The following ARHGEF3 variants were observed in gnomAD, a reference collection of about 807,000 sequenced individuals.
ARHGEF3 encodes the protein 59.8 kDA protein.
A neutral mutation model predicts 63.2 loss-of-function variants in ARHGEF3; 28 were observed. The observed-to-expected ratio is 0.44, with a 90% CI of 0.33 to 0.61. The LOEUF is 0.61. Among genes scored for constraint, ARHGEF3 ranks in the 20% least tolerant of loss-of-function variants. The probability of loss-of-function intolerance (pLI) is 0.03; values close to 1 mark genes in which losing one functional copy is unlikely to be tolerated. For missense variants in ARHGEF3, 533 were observed against 659.3 expected (o/e 0.81, Z 2.10); for synonymous variants, 266 against 254.2 (o/e 1.05, Z -0.44).
intron 1 of ARHGEF3, among the ~76,000 whole-genome samples, chr3:57,069,415 T>TCACA (rs1560176738): frequency 1.3e-4 from 17 of 131,412 alleles, no homozygotes; most frequent in African/African-American, 4.8e-4. Context: ...ACACACATTG[T>TCACA]TTGTTTAAAA....
At chr3:56,827,015 GAGA>G in intron 4 of ARHGEF3, among the ~76,000 whole-genome samples, 1 of 152,166 alleles carries the variant, frequency 6.6e-6, no homozygotes, top group South Asian at 2.1e-4. Context: ...AAACATAAAA[GAGA>G]AGAAGATGGG....
chr3:56,992,250 A>C (rs1306505237), intron 2 of ARHGEF3, among the ~76,000 whole-genome samples: 1 of 152,016 alleles, frequency 6.6e-6, no homozygotes, highest in Non-Finnish European at 1.5e-5. Flanking sequence ...ATATTTGTAC[A>C]AGAGTCAGAG....
At chr3:56,837,136 G>C (rs1323816647) in intron 4 of ARHGEF3, among the ~76,000 whole-genome samples, 5 of 152,192 alleles carry the variant, frequency 3.3e-5, no homozygotes, top group African/African-American at 1.2e-4. Context: ...GTCAGGATCA[G>C]AGTCAGGAGG....
chr3:56,886,495 C>T (rs1440680402), intron 3 of ARHGEF3, among the ~76,000 whole-genome samples: 1 of 152,298 alleles, frequency 6.6e-6, no homozygotes, highest in Middle Eastern at 3.4e-3. Context: ...GGGGTGTTGA[C>T]CTCATGCCAG....
Position 56,732,955 on chromosome 3 carries a change from C to G in ARHGEF3, c.1042-531G>C, listed in dbSNP as rs762929548. On this transcript the variant is annotated intron_variant, in intron 8 of 9. Coordinates refer to ENST00000296315, the MANE Select transcript of ARHGEF3 (RefSeq NM_019555.3). ...TTGAGGTTAGGAGTTCAAGACTAGG[C>G]TGGCCAACATGGTGAAACCCCGTCT... Among the ~76,000 whole-genome samples the G allele has an allele frequency of 2.0e-5, 3 of 151,932 alleles. No individual in the cohort carries two copies. In the East Asian group the frequency reaches 5.8e-4, roughly 29 times the overall value.
intron 6 of ARHGEF3, among the ~76,000 whole-genome samples, chr3:56,745,833 G>A (rs920755992): frequency 2.0e-5 from 3 of 152,064 alleles, no homozygotes; most frequent in Admixed American, 6.6e-5. Flanking sequence ...CACCATGCCC[G>A]GATAATTTTT....
chr3:56,971,226 CAG>C (rs1395127692), intron 2 of ARHGEF3, among the ~76,000 whole-genome samples: 1 of 152,096 alleles, frequency 6.6e-6, no homozygotes, highest in Non-Finnish European at 1.5e-5. Flanking sequence ...ATATGCACTT[CAG>C]AGAGAGACAG....
chr3:56,741,231 G>T (rs2034002166), intron 7 of ARHGEF3, among the ~76,000 whole-genome samples: 1 of 140,780 alleles, frequency 7.1e-6, no homozygotes, highest in Non-Finnish European at 1.5e-5. Context: ...TGTTGCCCAG[G>T]CTAGAGTGCA....
intron 4 of ARHGEF3, among the ~76,000 whole-genome samples, chr3:56,877,159 T>C (rs977636790): frequency 5.9e-5 from 9 of 152,176 alleles, no homozygotes; most frequent in South Asian, 4.1e-4. Context: ...TACACAAACA[T>C]GTTCCTGGAT....
intron 4 of ARHGEF3, among the ~76,000 whole-genome samples, chr3:56,848,916 C>G (rs1489321729): frequency 6.6e-6 from 1 of 152,148 alleles, no homozygotes; most frequent in Admixed American, 6.5e-5. Context: ...TGAGCCACCC[C>G]TCTTGGCCTC....
chr3:56,971,150 A>G (rs1700892792), intron 2 of ARHGEF3, among the ~76,000 whole-genome samples: 1 of 152,180 alleles, frequency 6.6e-6, no homozygotes, highest in South Asian at 2.1e-4. Context: ...TGCGGCCCTC[A>G]GTAAGTCTGT....
chr3:56,771,659 G>T (rs2036013307), intron 2 of ARHGEF3, among the ~76,000 whole-genome samples: 1 of 152,158 alleles, frequency 6.6e-6, no homozygotes, highest in Admixed American at 6.5e-5. Flanking sequence ...GTTATATCTG[G>T]AACATAGCAA....
intron 1 of ARHGEF3, among the ~76,000 whole-genome samples, chr3:57,042,700 A>ATTTTTTTTT (rs869145503): frequency 1.5e-5 from 1 of 66,120 alleles, no homozygotes; most frequent in African/African-American, 5.0e-5. Context: ...ATATATATAT[A>ATTTTTTTTT]TTTTTTTTTT....
chr3:56,822,517 T>C (rs1265101893), intron 4 of ARHGEF3, among the ~76,000 whole-genome samples: 1 of 151,488 alleles, frequency 6.6e-6, no homozygotes, highest in Non-Finnish European at 1.5e-5. Context: ...TATATATATA[T>C]GTGAAATATA....
intron 2 of ARHGEF3, among the ~76,000 whole-genome samples, chr3:56,971,596 A>G (rs1700913762): frequency 6.6e-6 from 1 of 151,352 alleles, no homozygotes; most frequent in Non-Finnish European, 1.5e-5. Context: ...TCACGCCTGA[A>G]ATTCCAGCAC....
chr3:56,934,471 G>A (rs1356302825), intron 3 of ARHGEF3, among the ~76,000 whole-genome samples: 1 of 152,198 alleles, frequency 6.6e-6, no homozygotes, highest in Non-Finnish European at 1.5e-5. Flanking sequence ...TGGAAGGAGA[G>A]TCGCGAGTGG....
At chr3:56,925,435 T>C (rs2042250601) in intron 3 of ARHGEF3, among the ~76,000 whole-genome samples, 1 of 152,186 alleles carries the variant, frequency 6.6e-6, no homozygotes, top group Admixed American at 6.5e-5. Flanking sequence ...GACCAGGCTG[T>C]CTATAGGACC....
At chr3:57,020,749 C>T (rs949578749) in intron 2 of ARHGEF3, among the ~76,000 whole-genome samples, 4 of 152,230 alleles carry the variant, frequency 2.6e-5, no homozygotes, top group Non-Finnish European at 1.5e-5. Flanking sequence ...CCCTGGATCC[C>T]ACCATGCCTG....
At chr3:56,881,408 A>AG (rs1308729201) in intron 4 of ARHGEF3, among the ~76,000 whole-genome samples, 1 of 152,194 alleles carries the variant, frequency 6.6e-6, no homozygotes, top group African/African-American at 2.4e-5. Context: ...AGGGGAGCCC[A>AG]GGGAGGGCCT....
Sources: gnomAD v4.1 joint callset for allele counts (sites outside exome capture counted in the v4.1 genomes callset) on GRCh38, gnomAD v4.1.1 for gene constraint, MANE v1.5 for transcripts, NCBI Gene and HGNC (gene_info 2026-07-23, HGNC 2026-07-21) for gene names.